PPT1: variants seen among roughly 807,000 people sequenced by gnomAD.
PPT1 encodes palmitoyl-protein thioesterase 1, also known as ceroid-palmitoyl-palmitoyl-protein thioesterase 1.
A neutral mutation model predicts 44.0 loss-of-function variants in PPT1; 24 were observed. That is an observed-to-expected ratio of 0.54 (90% CI 0.39 to 0.77). The LOEUF is 0.77. Among genes scored for constraint, PPT1 ranks in the 30% least tolerant of loss-of-function variants. The pLI is 0.00. For missense variants in PPT1, 341 were observed against 378.8 expected, an observed-to-expected ratio of 0.90 and a Z score of 0.83; for synonymous variants, 148 against 140.2, an observed-to-expected ratio of 1.06 and a Z score of -0.39.
At chr1:40,089,234 C>T (rs1649421074) in intron 5 of PPT1, among the ~76,000 whole-genome samples, 176 bp downstream of exon 5, 1 of 147,572 alleles carries the variant, frequency 6.8e-6, no homozygotes, top group Admixed American at 6.9e-5. Context: ...TGCAGTGAGA[C>T]AAAATCACGC....
chr1:40,086,899 T>C (rs926748975), intron 5 of PPT1, among the ~76,000 whole-genome samples: 5 of 152,046 alleles, frequency 3.3e-5, no homozygotes, highest in African/African-American at 1.2e-4. Context: ...AGAGTATTAC[T>C]TTCTTTTAAA....
intron 3 of PPT1, 79 bp downstream of exon 3, chr1:40,091,966 G>T: frequency 6.5e-7 from 1 of 1,541,850 alleles, no homozygotes; most frequent in Non-Finnish European, 8.9e-7. Context: ...ATCTTGAATT[G>T]GAGGAGTGGA....
At chr1:40,082,623 A>C (rs1427734246) in intron 5 of PPT1, among the ~76,000 whole-genome samples, 1 of 152,208 alleles carries the variant, frequency 6.6e-6, no homozygotes, top group Non-Finnish European at 1.5e-5. Context: ...ATGAAGGCTG[A>C]GAGAGGTGAG....
In PPT1 at chr1:40,090,490, G is replaced by GTA. The variant is rs546285500; in HGVS notation, c.433+837_433+838dup. Among the ~76,000 whole-genome samples, 632 of 151,692 alleles carry GTA rather than the reference G, an allele frequency of 4.2e-3. 1 individual carries two copies. Among genetic ancestry groups the GTA allele is most frequent in the Middle Eastern group, 0.014 (4 of 292 alleles). Reference sequence around the variant, plus strand: ...TGCATATATGTGCACATGTGTGTGTGTATATATATATATTTCATGAATGCA... The same window carrying GTA: ...TGCATATATGTGCACATGTGTGTGTGTATATATATATATATTTCATGAATGCA... On this transcript the variant is annotated intron_variant, in intron 4 of 8. Transcript: ENST00000642050.
At chr1:40,091,421 T>C in intron 3 of PPT1, 22 bp from the exon 4 acceptor site, 1 of 1,584,692 alleles carries the variant, frequency 6.3e-7, no homozygotes, top group Non-Finnish European at 8.7e-7. Flanking sequence ...AAGGGAGTTT[T>C]AGCTCCGACT....
chr1:40,087,534 C>T (rs1347182235), intron 5 of PPT1, among the ~76,000 whole-genome samples: 5 of 151,970 alleles, frequency 3.3e-5, no homozygotes, highest in East Asian at 1.9e-4. Context: ...TGAGCCACTG[C>T]GCCCCGCCTT....
intron 4 of PPT1, among the ~76,000 whole-genome samples, chr1:40,090,669 T>G (rs1049990538): frequency 6.6e-6 from 1 of 152,246 alleles, no homozygotes; most frequent in African/African-American, 2.4e-5. Context: ...CTTTATCCTC[T>G]GAAAAATTCC....
At chr1:40,081,543 T>TAAAA (rs1648939877) in intron 5 of PPT1, among the ~76,000 whole-genome samples, 1 of 48,864 alleles carries the variant, frequency 2.0e-5, no homozygotes, top group African/African-American at 6.7e-5. Context: ...TCTCAAAAAA[T>TAAAA]AAATAAATAA....
intron 8 of PPT1, among the ~76,000 whole-genome samples, chr1:40,076,029 A>G (rs948150739): frequency 6.6e-6 from 1 of 150,920 alleles, no homozygotes; most frequent in Non-Finnish European, 1.5e-5. Context: ...TGGAGGTGGC[A>G]AATTACTGCA....
At chr1:40,079,392 CTTTTTT>C (rs11464192) in intron 6 of PPT1, among the ~76,000 whole-genome samples, 12 of 90,104 alleles carry the variant, frequency 1.3e-4, no homozygotes, top group African/African-American at 3.2e-4. Flanking sequence ...TTTTCTTTTC[CTTTTTT>C]TTTTTTTTTT....
At chr1:40,093,408 G>A (rs1040799578) in intron 1 of PPT1, among the ~76,000 whole-genome samples, 2 of 120,574 alleles carry the variant, frequency 1.7e-5, no homozygotes, top group African/African-American at 5.8e-5. Context: ...TAATGGCTAT[G>A]TGTGTTTTTC....
intron 5 of PPT1, among the ~76,000 whole-genome samples, chr1:40,084,451 T>A (rs1192217037): frequency 6.6e-6 from 1 of 152,212 alleles, no homozygotes; most frequent in Non-Finnish European, 1.5e-5. Context: ...GATGTTCTAT[T>A]GTGGCCAAAA....
At chr1:40,093,444 T>C (rs1182190240) in intron 1 of PPT1, among the ~76,000 whole-genome samples, 4 of 152,198 alleles carry the variant, frequency 2.6e-5, no homozygotes, top group Non-Finnish European at 4.4e-5. Context: ...GAAGTGTTAG[T>C]TGCACAACAT....
chr1:40,071,726 T>A (rs1648076054), downstream of PPT1: 1 of 572,348 alleles, frequency 1.7e-6, no homozygotes, highest in South Asian at 2.2e-5. Context: ...TCAGTTGATC[T>A]TCTGCAGGAA....
At chr1:40,081,372 C>G (rs1438610226) in intron 5 of PPT1, among the ~76,000 whole-genome samples, 3 of 151,850 alleles carry the variant, frequency 2.0e-5, no homozygotes, top group Non-Finnish European at 2.9e-5. Context: ...CCCGTCTCTA[C>G]TAAAAATACA....
intron 1 of PPT1, among the ~76,000 whole-genome samples, chr1:40,096,263 T>A (rs955787031): frequency 6.6e-6 from 1 of 152,230 alleles, no homozygotes; most frequent in Non-Finnish European, 1.5e-5. Context: ...CCATTTGATA[T>A]GTTATGTTTT....
At chr1:40,093,959 G>A (rs112481854) in intron 1 of PPT1, 20 of 715,044 alleles carry the variant, frequency 2.8e-5, no homozygotes, top group East Asian at 5.4e-5. Context: ...TTGGTAAGAC[G>A]AGGCAGGAGG....
At chr1:40,071,492 G>A (rs1195478791), downstream of PPT1, 11 of 1,613,624 alleles carry the variant, frequency 6.8e-6, no homozygotes, top group African/African-American at 1.3e-5. Flanking sequence ...CCTATGGAAC[G>A]GGCAGAAGTT....
At chr1:40,089,286 CA>C (rs10522229) in intron 5 of PPT1, 123 bp downstream of exon 5, 93 of 376,894 alleles carry the variant, frequency 2.5e-4, no homozygotes, top group Non-Finnish European at 2.6e-4. Flanking sequence ...AACTCCATCT[CA>C]AAAAAAAAGA....
Sources: gnomAD v4.1 joint callset for allele counts (sites outside exome capture counted in the v4.1 genomes callset) on GRCh38, gnomAD v4.1.1 for gene constraint, MANE v1.5 for transcripts, NCBI Gene and HGNC (gene_info 2026-07-23, HGNC 2026-07-21) for gene names.